Variants in ZNF678 observed in about 807,000 individuals in gnomAD.
ZNF678 encodes the protein zinc finger protein 678, also known as hypothetical protein MGC42493.
Under a neutral mutation model 3.0 loss-of-function variants are expected in ZNF678, and 5 were observed. The ratio of observed to expected loss-of-function variants is 1.69; its 90% CI spans 0.88 to 3.56. The LOEUF is 3.56. Among genes scored for constraint, ZNF678 ranks in the 30% most tolerant of loss-of-function variants. The pLI is 0.00. For missense variants in ZNF678, 593 were observed against 605.0 expected (o/e 0.98, Z 0.21); for synonymous variants, 218 against 199.6 (o/e 1.09, Z -0.78).
chr1:227,577,922 GC>G, intron 1 of ZNF678, among the ~76,000 whole-genome samples: 1 of 152,208 alleles, frequency 6.6e-6, no homozygotes, highest in South Asian at 2.1e-4. Flanking sequence ...TTTTTGTAAG[GC>G]AGATCTGGTG....
intron 1 of ZNF678, among the ~76,000 whole-genome samples, chr1:227,613,403 A>G (rs1210992602): frequency 6.6e-6 from 1 of 152,160 alleles, no homozygotes; most frequent in East Asian, 1.9e-4. Flanking sequence ...CCACATGGGC[A>G]TTGGTGTCTC....
In ZNF678 at chr1:227,655,038, A is replaced by ACT. The variant is rs1028602424; in HGVS notation, c.788_789insCT (p.Lys263AsnfsTer19). On this transcript the variant is annotated frameshift_variant, in exon 4 of 4. Coordinates refer to ENST00000343776, the MANE Select transcript of ZNF678 (RefSeq NM_001367909.1). LOFTEE classifies it low-confidence loss of function (END_TRUNC). ...CATAAGAGAATTCATACTGGAGAGA[A>ACT]ACCTTACAAGTGTGAAGAATGTGGC... The ACT allele has an allele frequency of 6.2e-7, 1 of 1,612,384 alleles. No individual in the cohort carries two copies.
At chr1:227,633,960 G>C (rs1221844378) in intron 1 of ZNF678, among the ~76,000 whole-genome samples, 1 of 152,146 alleles carries the variant, frequency 6.6e-6, no homozygotes, top group Non-Finnish European at 1.5e-5. Flanking sequence ...TCCAAAAAGA[G>C]ACCCCTTCCT....
At position 227,646,547 on chromosome 1, in the gene ZNF678, C is replaced by T; in HGVS notation, c.-160C>T. The T allele has an allele frequency of 7.3e-7, 1 of 1,370,722 alleles. No homozygotes were observed. Among genetic ancestry groups the T allele is most frequent in the Non-Finnish European group, 9.8e-7 (1 of 1,023,684 alleles). The allele number at this position is 1,370,722 out of a possible 1,614,324, so 84.9% of individuals were successfully genotyped here. On this transcript the variant is annotated 5_prime_UTR_variant, in exon 2 of 4. Coordinates refer to ENST00000343776, the MANE Select transcript of ZNF678 (RefSeq NM_001367909.1). ...TGTGTATTTTTCCCCCCCCCAGGGA[C>T]TACTGGCATTCAGTGATGTGGTCAT...
At chr1:227,585,787 A>C (rs532879350) in intron 1 of ZNF678, among the ~76,000 whole-genome samples, 6 of 152,142 alleles carry the variant, frequency 3.9e-5, no homozygotes, top group East Asian at 1.9e-4. Flanking sequence ...CCAAAAAAAA[A>C]CAAAAATGTG....
chr1:227,609,593 G>T (rs749508720), intron 1 of ZNF678, among the ~76,000 whole-genome samples: 34 of 152,220 alleles, frequency 2.2e-4, no homozygotes, highest in Non-Finnish European at 3.7e-4. Context: ...CATAAAATTT[G>T]TGACGATTCA....
intron 1 of ZNF678, among the ~76,000 whole-genome samples, chr1:227,591,260 C>CT (rs201847349): frequency 0.014 from 2,122 of 147,902 alleles, 103 homozygotes; most frequent in African/African-American, 0.051. Flanking sequence ...ACACGTTCCC[C>CT]TTTTTTCTAA....
chr1:227,644,930 T>G (rs1658917802), intron 1 of ZNF678, among the ~76,000 whole-genome samples: 1 of 152,208 alleles, frequency 6.6e-6, no homozygotes, highest in African/African-American at 2.4e-5. Context: ...GATACATTTG[T>G]GAGAGTTGAG....
intron 1 of ZNF678, among the ~76,000 whole-genome samples, chr1:227,618,029 C>T: frequency 6.6e-6 from 1 of 152,308 alleles, no homozygotes; most frequent in Admixed American, 6.5e-5. Context: ...TGACTATAGC[C>T]ACCCCTGAGT....
chr1:227,587,892 A>C (rs1657303286), intron 1 of ZNF678, among the ~76,000 whole-genome samples: 2 of 148,606 alleles, frequency 1.3e-5, no homozygotes, highest in South Asian at 4.3e-4. Context: ...TGTTGCATAG[A>C]TGTGTGCCAT....
rs1396564770 is a variant in ZNF678, at chr1:227,660,808, T to A, written c.*4980T>A. 6.6e-6 allele frequency: 1 copy of A among 152,200 alleles called. No homozygotes were observed. The highest frequency in any genetic ancestry group is 1.5e-5 in the Non-Finnish European group (1 of 68,026). The allele number at this position is 152,200 out of a possible 1,614,324, so 9.4% of individuals were successfully genotyped here. ...TCTTAGAAAAAAGGCTTACAACTTT[T>A]GAAGGTTTAGCATGATGTCAGATGT... On this transcript the variant is annotated 3_prime_UTR_variant, in exon 4 of 4. Transcript: ENST00000343776.
chr1:227,574,616 G>C (rs1656942186), intron 1 of ZNF678, among the ~76,000 whole-genome samples: 1 of 152,020 alleles, frequency 6.6e-6, no homozygotes, highest in African/African-American at 2.4e-5. Context: ...TAGGTTGTCT[G>C]TTCCTCTGTT....
intron 1 of ZNF678, among the ~76,000 whole-genome samples, chr1:227,587,955 A>T (rs1247788694): frequency 6.6e-6 from 1 of 151,726 alleles, no homozygotes; most frequent in Non-Finnish European, 1.5e-5. Flanking sequence ...CCCAGCATCC[A>T]TTAGCTATTC....
intron 1 of ZNF678, among the ~76,000 whole-genome samples, chr1:227,619,840 T>C (rs1658235799): frequency 6.6e-6 from 1 of 152,202 alleles, no homozygotes; most frequent in South Asian, 2.1e-4. Flanking sequence ...AGCAGTTGGA[T>C]ATAAATAACT....
chr1:227,567,889 A>G (rs1460303519), intron 1 of ZNF678, among the ~76,000 whole-genome samples: 1 of 152,170 alleles, frequency 6.6e-6, no homozygotes, highest in African/African-American at 2.4e-5. Flanking sequence ...CGGGAAAAAT[A>G]CCAACTATAT....
At chr1:227,641,759 C>CAA (rs71732048) in intron 1 of ZNF678, among the ~76,000 whole-genome samples, 7 of 145,766 alleles carry the variant, frequency 4.8e-5, no homozygotes, top group African/African-American at 9.9e-5. Context: ...CATATTTCTA[C>CAA]AAAAAAAAAA....
At chr1:227,584,512 A>G (rs1347343905) in intron 1 of ZNF678, among the ~76,000 whole-genome samples, 1 of 152,250 alleles carries the variant, frequency 6.6e-6, no homozygotes, top group Non-Finnish European at 1.5e-5. Context: ...TTGGCTGTCC[A>G]TGTGTGAGGA....
chr1:227,618,338 A>G (rs1217544676), intron 1 of ZNF678, among the ~76,000 whole-genome samples: 1 of 152,172 alleles, frequency 6.6e-6, no homozygotes, highest in Non-Finnish European at 1.5e-5. Flanking sequence ...GGGAGATGAG[A>G]GGAGCCCTCT....
intron 1 of ZNF678, among the ~76,000 whole-genome samples, chr1:227,636,079 A>C (rs1227036002): frequency 6.6e-6 from 1 of 152,110 alleles, no homozygotes; most frequent in Non-Finnish European, 1.5e-5. Flanking sequence ...CTGGCGGTTA[A>C]CTGTAGTTTT....
Sources: gnomAD v4.1 joint callset for allele counts (sites outside exome capture counted in the v4.1 genomes callset) on GRCh38, gnomAD v4.1.1 for gene constraint, MANE v1.5 for transcripts, NCBI Gene and HGNC (gene_info 2026-07-23, HGNC 2026-07-21) for gene names.